CRK: variants seen among roughly 807,000 people sequenced by gnomAD.
The protein encoded by CRK is CRK proto-oncogene, adaptor protein.
In CRK, 4 loss-of-function variants were observed where a neutral mutation model predicts 29.8. That is an observed-to-expected ratio of 0.13 (90% CI 0.07 to 0.31). The LOEUF (loss-of-function observed/expected upper bound fraction) is 0.31, where lower values mean the gene tolerates loss of function less well. CRK is among the 10% of genes least tolerant of loss of function. CRK has a pLI of 1.00. For missense variants in CRK, 274 were observed against 396.5 expected, an observed-to-expected ratio of 0.69 and a Z score of 2.62; for synonymous variants, 153 against 164.9, an observed-to-expected ratio of 0.93 and a Z score of 0.55.
chr17:1,455,547 C>T (rs1214512936), intron 1 of CRK, among the ~76,000 whole-genome samples: 1 of 152,208 alleles, frequency 6.6e-6, no homozygotes, highest in Non-Finnish European at 1.5e-5. Flanking sequence ...GTGCCAACAT[C>T]TCCCTCAGCT....
intron 1 of CRK, among the ~76,000 whole-genome samples, chr17:1,444,535 A>G (rs2073958601): frequency 6.6e-6 from 1 of 151,154 alleles, no homozygotes; most frequent in Non-Finnish European, 1.5e-5. Flanking sequence ...AATTAAAAAA[A>G]TAAAAAAAGC....
At position 1,422,790 on chromosome 17, in the gene CRK, C is replaced by T. The variant is rs1489007203; in HGVS notation, c.*723G>A. On this transcript the variant is annotated 3_prime_UTR_variant, in exon 3 of 3. Transcript: ENST00000300574. ...GGCTGTCCACTTAGTGAATCCAACA[C>T]TGGCTTAAAGCTATGCACTGAATAA... The T allele has an allele frequency of 1.8e-5, 7 of 397,388 alleles. No individual in the cohort carries two copies. Among genetic ancestry groups the T allele is most frequent in the South Asian group, 1.4e-4 (1 of 7,008 alleles). 24.6% of individuals were successfully genotyped at this position (397,388 alleles called of 1,614,324 possible).
At chr17:1,455,817 A>C in intron 1 of CRK, 60 bp downstream of exon 1, 34 of 1,425,008 alleles carry the variant, frequency 2.4e-5, no homozygotes, top group Non-Finnish European at 2.7e-5. Flanking sequence ...CCAGCCAGCC[A>C]GGCTGGGAGT....
rs557170883 is a variant in CRK, at chr17:1,443,615, G to C, written c.242-6460C>G. Among the ~76,000 whole-genome samples, 45 of 150,986 alleles carry C rather than the reference G, an allele frequency of 3.0e-4. No individual in the cohort carries two copies. The East Asian group carries it at 8.0e-3, about 27-fold the overall frequency. ...GGGGTTTCACCATGTTAGCCAGGATGGTTTCGATCTCCTGACCTCGTGATC... is the reference window on the plus strand; with the variant it reads ...GGGGTTTCACCATGTTAGCCAGGATCGTTTCGATCTCCTGACCTCGTGATC... On this transcript the variant is annotated intron_variant, in intron 1 of 2. Transcript: ENST00000300574.
At chr17:1,427,647 T>C (rs1410640503) in intron 2 of CRK, among the ~76,000 whole-genome samples, 2 of 151,816 alleles carry the variant, frequency 1.3e-5, no homozygotes, top group African/African-American at 4.8e-5. Flanking sequence ...TTTGTTTGTT[T>C]GAGAGAGAGT....
chr17:1,451,636 T>C (rs2074019207), intron 1 of CRK, among the ~76,000 whole-genome samples: 1 of 152,190 alleles, frequency 6.6e-6, no homozygotes, highest in Admixed American at 6.6e-5. Context: ...AAGGGCTGCC[T>C]GCCCCAAAGT....
At position 1,444,458 on chromosome 17, in the gene CRK, G is replaced by A. The variant is rs543562605; in HGVS notation, c.242-7303C>T. Among the ~76,000 whole-genome samples, 5 of 152,226 alleles carry A rather than the reference G, an allele frequency of 3.3e-5. No individual in the cohort carries two copies. In the South Asian group the frequency reaches 1.0e-3, roughly 32 times the overall value. ...GTGGATTGCTTGAACCTGGGAGGCG[G>A]AGCCTGCAGTGAGTCAAGACTGCGC... On this transcript the variant is annotated intron_variant, in intron 1 of 2. Coordinates refer to ENST00000300574, the MANE Select transcript of CRK (RefSeq NM_016823.4).
chr17:1,450,008 G>A (rs1376436700), intron 1 of CRK, among the ~76,000 whole-genome samples: 1 of 152,082 alleles, frequency 6.6e-6, no homozygotes, highest in East Asian at 1.9e-4. Context: ...AGACCAGCCT[G>A]GCCAACATGG....
chr17:1,439,127 G>A (rs886618134), intron 1 of CRK, among the ~76,000 whole-genome samples: 13 of 152,108 alleles, frequency 8.5e-5, no homozygotes, highest in Admixed American at 6.6e-4. Context: ...ACGGAGTCTC[G>A]CTCTGTCCCC....
intron 1 of CRK, among the ~76,000 whole-genome samples, chr17:1,439,723 G>T (rs2073919381): frequency 1.3e-5 from 2 of 152,046 alleles, no homozygotes; most frequent in Non-Finnish European, 2.9e-5. Flanking sequence ...CACTTTTGTA[G>T]TCCCAGCTAC....
intron 2 of CRK, among the ~76,000 whole-genome samples, chr17:1,428,261 G>A (rs1410698506): frequency 1.3e-5 from 2 of 151,566 alleles, no homozygotes; most frequent in South Asian, 4.2e-4. Flanking sequence ...TGGGACTACA[G>A]GCGCCCGCCA....
chr17:1,423,783 T>C, intron 2 of CRK, 133 bp from the exon 3 acceptor site: 1 of 1,088,260 alleles, frequency 9.2e-7, no homozygotes, highest in Non-Finnish European at 1.3e-6. Flanking sequence ...ATTTGCTGCC[T>C]CCCCAGCCCC....
intron 1 of CRK, among the ~76,000 whole-genome samples, chr17:1,441,194 C>T (rs2073932520): frequency 6.6e-6 from 1 of 152,168 alleles, no homozygotes; most frequent in African/African-American, 2.4e-5. Flanking sequence ...TCCCAAAGTG[C>T]TAGTATTACA....
intron 1 of CRK, among the ~76,000 whole-genome samples, chr17:1,440,608 A>G (rs999102265): frequency 3.3e-5 from 5 of 151,858 alleles, no homozygotes; most frequent in East Asian, 3.9e-4. Flanking sequence ...AGTGAGACCC[A>G]ATCTCCTAAA....
At chr17:1,434,368 G>C (rs1238210410) in intron 2 of CRK, among the ~76,000 whole-genome samples, 1 of 152,140 alleles carries the variant, frequency 6.6e-6, no homozygotes, top group African/African-American at 2.4e-5. Context: ...GCCTTACCCT[G>C]GTTCTGGTGT....
At chr17:1,428,378 A>G (rs1035040162) in intron 2 of CRK, among the ~76,000 whole-genome samples, 2 of 151,832 alleles carry the variant, frequency 1.3e-5, no homozygotes, top group African/African-American at 2.4e-5. Context: ...CGGCCTCCCA[A>G]TGTGCTGGGA....
At chr17:1,436,558 AAG>A (rs2073887898) in intron 2 of CRK, 60 bp downstream of exon 2, 2 of 1,515,662 alleles carry the variant, frequency 1.3e-6, no homozygotes, top group Non-Finnish European at 1.8e-6. Flanking sequence ...ACAAAGCTCT[AAG>A]AGGACCGAGA....
At chr17:1,434,914 G>T (rs944509829) in intron 2 of CRK, among the ~76,000 whole-genome samples, 1 of 151,986 alleles carries the variant, frequency 6.6e-6, no homozygotes, top group Non-Finnish European at 1.5e-5. Context: ...TTCACAGCAG[G>T]TAGAGAAGCT....
In CRK at chr17:1,456,150, C is replaced by G; in HGVS notation, c.-33G>C. Reference sequence around the variant, plus strand: ...TCCGCGCCTAAACGCTGGGGTGCCGCCGCCGCGCGCGCCCCTCCGGCCCCC... The same window carrying G: ...TCCGCGCCTAAACGCTGGGGTGCCGGCGCCGCGCGCGCCCCTCCGGCCCCC... On this transcript the variant is annotated 5_prime_UTR_variant, in exon 1 of 3. Coordinates refer to ENST00000300574, the MANE Select transcript of CRK (RefSeq NM_016823.4). The G allele has an allele frequency of 6.9e-7, 1 of 1,451,098 alleles. No homozygotes were observed. The highest frequency in any genetic ancestry group is 9.1e-7 in the Non-Finnish European group (1 of 1,101,658). The allele number at this position is 1,451,098 out of a possible 1,614,324, so 89.9% of individuals were successfully genotyped here. A position where few individuals can be genotyped will look rare whatever the true frequency, so the allele number is the denominator to read the frequency against.
Sources: allele counts gnomAD v4.1 joint callset (sites outside exome capture counted in the v4.1 genomes callset), GRCh38; gene constraint gnomAD v4.1.1; transcripts MANE v1.5; gene names NCBI Gene and HGNC (gene_info 2026-07-23, HGNC 2026-07-21).